PTPRJ: variants seen among roughly 807,000 people sequenced by gnomAD.
The protein encoded by PTPRJ is receptor-type tyrosine-protein phosphatase eta.
PTPRJ carries 129 observed loss-of-function variants against 141.3 expected under a neutral mutation model. That is an observed-to-expected ratio of 0.91 (90% CI 0.79 to 1.06). The LOEUF (loss-of-function observed/expected upper bound fraction) is 1.06. Among genes scored for constraint, PTPRJ ranks in the 50% least tolerant of loss-of-function variants. The probability of loss-of-function intolerance (pLI) is 0.00; values close to 1 mark genes in which losing one functional copy is unlikely to be tolerated. For missense variants in PTPRJ, 1,601 were observed against 1,679.7 expected, an observed-to-expected ratio of 0.95 and a Z score of 0.82; for synonymous variants, 610 against 640.5, an observed-to-expected ratio of 0.95 and a Z score of 0.72.
At chr11:48,005,477 G>A (rs1002927525) in intron 1 of PTPRJ, among the ~76,000 whole-genome samples, 6 of 152,006 alleles carry the variant, frequency 3.9e-5, no homozygotes, top group Admixed American at 6.6e-5. Flanking sequence ...TGGCTATTTC[G>A]CCTAGCATAG....
chr11:47,981,988 A>G (rs1420132778), intron 1 of PTPRJ, among the ~76,000 whole-genome samples: 2 of 152,182 alleles, frequency 1.3e-5, no homozygotes, highest in African/African-American at 4.8e-5. Context: ...TGCTTGTTTT[A>G]TACAGACACC....
intron 6 of PTPRJ, among the ~76,000 whole-genome samples, chr11:48,126,855 C>G (rs561081147): frequency 5.9e-5 from 9 of 152,000 alleles, no homozygotes; most frequent in African/African-American, 2.2e-4. Flanking sequence ...CCAGAGCACC[C>G]TGCACTTTTC....
intron 1 of PTPRJ, among the ~76,000 whole-genome samples, chr11:48,106,128 G>A (rs937027250): frequency 6.6e-5 from 10 of 152,196 alleles, no homozygotes; most frequent in African/African-American, 2.2e-4. Flanking sequence ...ATTGAAGGGA[G>A]AGGCAACCAG....
chr11:48,037,599 T>G (rs12278732), intron 1 of PTPRJ, among the ~76,000 whole-genome samples: 10,419 of 152,054 alleles, frequency 0.069, 1,140 homozygotes, highest in African/African-American at 0.23. Context: ...ATCACTTGAG[T>G]CCAGGAGTTC....
chr11:48,121,989 G>A (rs1318198452), intron 4 of PTPRJ, among the ~76,000 whole-genome samples: 2 of 152,110 alleles, frequency 1.3e-5, no homozygotes, highest in African/African-American at 4.8e-5. Flanking sequence ...GGCTGGAGGT[G>A]AACGAGGTCC....
At chr11:48,143,128 T>C in intron 12 of PTPRJ, 78 bp downstream of exon 12, 3 of 1,553,142 alleles carry the variant, frequency 1.9e-6, no homozygotes, top group Non-Finnish European at 2.6e-6. Flanking sequence ...CACTGAGGCA[T>C]GTGAGTAATG....
intron 3 of PTPRJ, among the ~76,000 whole-genome samples, chr11:48,115,192 A>G (rs1301929550): frequency 6.6e-6 from 1 of 152,254 alleles, no homozygotes; most frequent in African/African-American, 2.4e-5. Flanking sequence ...ATAAATATCC[A>G]GGTACAGGAA....
chr11:48,146,338 A>G (rs1027287891), intron 14 of PTPRJ, among the ~76,000 whole-genome samples: 4 of 152,184 alleles, frequency 2.6e-5, no homozygotes, highest in Non-Finnish European at 5.9e-5. Context: ...CCAGAGGCTA[A>G]TGGACTGGCT....
intron 1 of PTPRJ, among the ~76,000 whole-genome samples, chr11:48,058,564 C>T (rs1262178376): frequency 6.6e-6 from 1 of 152,078 alleles, no homozygotes; most frequent in African/African-American, 2.4e-5. Flanking sequence ...GTCCATCTGC[C>T]AGTCTGTGGG....
intron 1 of PTPRJ, among the ~76,000 whole-genome samples, chr11:48,018,096 A>C (rs1854995842): frequency 1.3e-5 from 2 of 152,214 alleles, no homozygotes; most frequent in African/African-American, 4.8e-5. Flanking sequence ...GGAAAAGTAT[A>C]AAATTGAAAC....
chr11:48,155,242 A>G (rs1857573607), intron 19 of PTPRJ, among the ~76,000 whole-genome samples: 1 of 152,174 alleles, frequency 6.6e-6, no homozygotes, highest in South Asian at 2.1e-4. Flanking sequence ...ACTTGTTTAT[A>G]TGAGAATAGA....
At chr11:48,089,456 C>T (rs1170542761) in intron 1 of PTPRJ, among the ~76,000 whole-genome samples, 1 of 146,586 alleles carries the variant, frequency 6.8e-6, no homozygotes, top group African/African-American at 2.6e-5. Flanking sequence ...GCAGAGGTTA[C>T]AGTGAGCCGA....
At position 48,170,551 on chromosome 11, in the gene PTPRJ, T is replaced by C. The variant is rs921149610; in HGVS notation, c.*3189T>C. 2 of 152,206 alleles carry C rather than the reference T, an allele frequency of 1.3e-5. No homozygotes were observed. The highest frequency in any genetic ancestry group is 4.8e-5 in the African/African-American group (2 of 41,460). The allele number at this position is 152,206 out of a possible 1,614,324, so 9.4% of individuals were successfully genotyped here. A position where few individuals can be genotyped will look rare whatever the true frequency, so the allele number is the denominator to read the frequency against. On this transcript the variant is annotated 3_prime_UTR_variant, in exon 25 of 25. Transcript: ENST00000418331. ...ACAAGTCTTGGTGACTGTTGTTGAT[T>C]TGCCTCAAAAGTTTTAAGTCCTGGG...
intron 10 of PTPRJ, 57 bp downstream of exon 10, chr11:48,137,338 G>C: frequency 6.4e-7 from 1 of 1,554,144 alleles, no homozygotes. Flanking sequence ...TGACCTTGCA[G>C]GTCAGTCCTC....
In PTPRJ at chr11:48,168,568, A is replaced by G. The variant is rs1379979135; in HGVS notation, c.*1206A>G. 1 of 125,292 alleles carries G rather than the reference A, an allele frequency of 8.0e-6. No individual in the cohort carries two copies. The highest frequency in any genetic ancestry group is 7.9e-5 in the Admixed American group (1 of 12,694). 7.8% of individuals were successfully genotyped at this position (125,292 alleles called of 1,614,324 possible). On this transcript the variant is annotated 3_prime_UTR_variant, in exon 25 of 25. Coordinates refer to ENST00000418331, the MANE Select transcript of PTPRJ (RefSeq NM_002843.4). The stretch of plus-strand genomic sequence containing the variant: ...TATATATATATATATATATATATAT[A>G]TATATATATATATACACTAAGCTCT...
chr11:48,149,642 A>G (rs1857433472), intron 16 of PTPRJ, 154 bp downstream of exon 16: 4 of 575,566 alleles, frequency 6.9e-6, no homozygotes, highest in Non-Finnish European at 1.2e-5. Flanking sequence ...TGTTTTCTGC[A>G]AGGAATCTAT....
intron 1 of PTPRJ, among the ~76,000 whole-genome samples, chr11:48,069,751 T>G (rs10838798): frequency 0.57 from 86,761 of 152,106 alleles, 28,526 homozygotes; most frequent in East Asian, 0.81. Context: ...GGCCTTGCAT[T>G]GACAATTAAT....
At chr11:48,013,388 C>T (rs1854862014) in intron 1 of PTPRJ, among the ~76,000 whole-genome samples, 1 of 152,180 alleles carries the variant, frequency 6.6e-6, no homozygotes, top group Non-Finnish European at 1.5e-5. Flanking sequence ...CCAGTTCCTG[C>T]AGGAGCCAGT....
intron 5 of PTPRJ, 152 bp downstream of exon 5, chr11:48,124,022 A>C (rs879469926): frequency 1.1e-6 from 1 of 884,070 alleles, no homozygotes; most frequent in East Asian, 2.7e-5. Context: ...CCCCACCTGC[A>C]TGAGGAAGGA....
Sources: allele counts gnomAD v4.1 joint callset (sites outside exome capture counted in the v4.1 genomes callset), GRCh38; gene constraint gnomAD v4.1.1; transcripts MANE v1.5; gene names NCBI Gene and HGNC (gene_info 2026-07-23, HGNC 2026-07-21).